KDM4C: variants seen among roughly 807,000 people sequenced by gnomAD.
KDM4C encodes the protein lysine-specific demethylase 4C.
Under a neutral mutation model 129.3 loss-of-function variants are expected in KDM4C, and 81 were observed. That is an observed-to-expected ratio of 0.63 (90% confidence interval 0.52 to 0.75). The LOEUF (loss-of-function observed/expected upper bound fraction) is 0.75, where lower values mean the gene tolerates loss of function less well. Ranked by LOEUF, KDM4C falls within the 30% of genes least tolerant of loss-of-function variation. The pLI is 0.00. For missense variants in KDM4C, 1,457 were observed against 1,304.0 expected, an observed-to-expected ratio of 1.12 and a Z score of -1.81; for synonymous variants, 573 against 456.1, an observed-to-expected ratio of 1.26 and a Z score of -3.26.
intron 17 of KDM4C, 76 bp from the exon 18 acceptor site, chr9:7,103,609 T>G: frequency 1.0e-6 from 1 of 972,054 alleles, no homozygotes; most frequent in Non-Finnish European, 1.6e-6. Flanking sequence ...CTCTAGTAGC[T>G]ATTGTTCTGT....
chr9:6,793,960 A>T (rs1265669640), intron 2 of KDM4C, among the ~76,000 whole-genome samples: 1 of 152,194 alleles, frequency 6.6e-6, no homozygotes, highest in Non-Finnish European at 1.5e-5. Context: ...TTGTGCAATC[A>T]TTACCGCTAT....
intron 3 of KDM4C, among the ~76,000 whole-genome samples, chr9:6,811,239 C>T (rs147840856): frequency 0.015 from 2,312 of 152,104 alleles, 45 homozygotes; most frequent in African/African-American, 0.049. Flanking sequence ...CTGCAACCTC[C>T]GCCTGCTGGG....
At chr9:7,139,444 G>T (rs1400535703) in intron 19 of KDM4C, among the ~76,000 whole-genome samples, 1 of 152,150 alleles carries the variant, frequency 6.6e-6, no homozygotes, top group Non-Finnish European at 1.5e-5. Context: ...TAGTCCTTAT[G>T]TTCTAAGCAG....
In KDM4C at chr9:7,013,791, G is replaced by A; in HGVS notation, c.1972G>A (p.Asp658Asn). Residue 658 changes from aspartate to asparagine, a missense_variant, in exon 14 of 22, where the codon GAT becomes AAT. Coordinates refer to ENST00000381309, the MANE Select transcript of KDM4C (RefSeq NM_015061.6). ...GTGGAAACGTTATGTTTTTCAGCCAGATAGCAGCAATGAAGAAAATGATGC... is the reference window on the plus strand; with the variant it reads ...GTGGAAACGTTATGTTTTTCAGCCAAATAGCAGCAATGAAGAAAATGATGC... ...CTLLMPYHKP[D>N]SSNEENDARW... The A allele has an allele frequency of 1.2e-6, 2 of 1,613,518 alleles. No homozygotes were observed. Among genetic ancestry groups the A allele is most frequent in the Non-Finnish European group, 8.5e-7 (1 of 1,179,698 alleles).
At chr9:7,158,349 T>A (rs1403520041) in intron 19 of KDM4C, among the ~76,000 whole-genome samples, 1 of 152,088 alleles carries the variant, frequency 6.6e-6, no homozygotes, top group Admixed American at 6.6e-5. Flanking sequence ...TTTTTGTGTC[T>A]CTATCTCTTT....
At chr9:6,787,644 C>T (rs770676159) in intron 1 of KDM4C, among the ~76,000 whole-genome samples, 5 of 152,228 alleles carry the variant, frequency 3.3e-5, no homozygotes, top group Non-Finnish European at 7.3e-5. Context: ...GAGCATTTCC[C>T]TCTGCCCATC....
chr9:6,857,129 G>C (rs1283389267), intron 5 of KDM4C, among the ~76,000 whole-genome samples: 4 of 152,096 alleles, frequency 2.6e-5, no homozygotes, highest in Non-Finnish European at 5.9e-5. Flanking sequence ...GAAGTCCTGG[G>C]ATTATAGGCA....
chr9:6,762,295 G>A lies in KDM4C; in HGVS notation c.-18+4092G>A, dbSNP rs1198009701. Among the ~76,000 whole-genome samples, 16 of 145,170 alleles carry A rather than the reference G, an allele frequency of 1.1e-4. No homozygotes were observed. In the Admixed American group the frequency reaches 1.1e-3, roughly 10 times the overall value. ...CCTGGTGTGTGATGTTCCCCTCCCT[G>A]TGTCCATGTGTTCTCATTGTTCCTT... On this transcript the variant is annotated intron_variant, in intron 1 of 21. Coordinates refer to ENST00000381309, the MANE Select transcript of KDM4C (RefSeq NM_015061.6).
chr9:6,829,029 A>G (rs1834359825), intron 4 of KDM4C, among the ~76,000 whole-genome samples: 1 of 152,240 alleles, frequency 6.6e-6, no homozygotes, highest in East Asian at 1.9e-4. Flanking sequence ...TGTGTGGAGA[A>G]TCACTCTGAG....
chr9:7,064,265 ATTATT>A (rs1832108804), intron 17 of KDM4C, among the ~76,000 whole-genome samples: 1 of 152,182 alleles, frequency 6.6e-6, no homozygotes, highest in African/African-American at 2.4e-5. Flanking sequence ...TATCTCACTG[ATTATT>A]TTTATATTGT....
At chr9:7,039,853 T>C (rs189141105) in intron 15 of KDM4C, among the ~76,000 whole-genome samples, 1 of 152,186 alleles carries the variant, frequency 6.6e-6, no homozygotes, top group Non-Finnish European at 1.5e-5. Context: ...AGAGTCTATA[T>C]ATAAATGGCC....
rs973588157 is a variant in KDM4C, at chr9:6,986,416, G to A, written c.1427G>A (p.Ser476Asn). 1.2e-6 allele frequency: 2 copies of A among 1,613,978 alleles called. No individual in the cohort carries two copies. Among genetic ancestry groups the A allele is most frequent in the South Asian group, 1.1e-5 (1 of 91,072 alleles). The change falls in exon 11 of 22, where the codon AGT becomes AAT. Residue 476 changes from serine (S) to asparagine (N), a missense_variant. Transcript: ENST00000381309. ...GATGACAAAGCTTATGCATATAGAA[G>A]TGTACCTTCTATATCCAGTGAGGCT... is the stretch of plus-strand genomic sequence containing the variant. ...TEDDKAYAYR[S>N]VPSISSEADD... is the part of the protein sequence containing the mutation.
chr9:6,849,382 C>G, intron 4 of KDM4C, 125 bp from the exon 5 acceptor site: 8 of 650,880 alleles, frequency 1.2e-5, no homozygotes, highest in Non-Finnish European at 2.4e-6. Flanking sequence ...TTTTATTTTT[C>G]AGTTTTCAGT....
intron 12 of KDM4C, among the ~76,000 whole-genome samples, chr9:7,006,362 T>C (rs1821670826): frequency 6.6e-6 from 1 of 152,146 alleles, no homozygotes; most frequent in South Asian, 2.1e-4. Context: ...TCTCTGACTG[T>C]TGGGGAATCA....
chr9:6,825,452 A>G (rs1324909340), intron 4 of KDM4C, among the ~76,000 whole-genome samples: 1 of 152,206 alleles, frequency 6.6e-6, no homozygotes, highest in Non-Finnish European at 1.5e-5. Flanking sequence ...GGGCAAGGTA[A>G]CTGTGTTCTA....
chr9:7,055,578 T>A (rs972554267), intron 17 of KDM4C, among the ~76,000 whole-genome samples: 1 of 152,234 alleles, frequency 6.6e-6, no homozygotes, highest in Non-Finnish European at 1.5e-5. Flanking sequence ...ATAGTGAACC[T>A]GCAAGCCAAA....
intron 17 of KDM4C, among the ~76,000 whole-genome samples, chr9:7,085,077 G>A (rs1022264848): frequency 6.6e-6 from 1 of 152,244 alleles, no homozygotes; most frequent in Non-Finnish European, 1.5e-5. Context: ...CCAGGTAAAG[G>A]AAGGGTGTAT....
intron 8 of KDM4C, among the ~76,000 whole-genome samples, chr9:6,958,798 G>T (rs1168101297): frequency 6.7e-6 from 1 of 149,790 alleles, no homozygotes; most frequent in African/African-American, 2.5e-5. Context: ...CCTCCCATGT[G>T]GTTGGGACCA....
chr9:6,867,972 C>T (rs1187955496), intron 5 of KDM4C, among the ~76,000 whole-genome samples: 1 of 152,012 alleles, frequency 6.6e-6, no homozygotes, highest in Non-Finnish European at 1.5e-5. Context: ...GTGATAGGTC[C>T]CTACTTTGGA....
Sources: allele counts gnomAD v4.1 joint callset (sites outside exome capture counted in the v4.1 genomes callset), GRCh38; gene constraint gnomAD v4.1.1; transcripts MANE v1.5; gene names NCBI Gene and HGNC (gene_info 2026-07-23, HGNC 2026-07-21).